Variants in ASTN2 observed in about 807,000 individuals in gnomAD.
The protein encoded by ASTN2 is astrotactin 2.
ASTN2 carries 54 observed loss-of-function variants against 139.8 expected under a neutral mutation model. The observed-to-expected ratio is 0.39, with a 90% CI of 0.31 to 0.48. The LOEUF is 0.48. Ranked by LOEUF, ASTN2 falls within the 20% of genes least tolerant of loss-of-function variation. The pLI is 0.95. For synonymous variants in ASTN2, 756 were observed against 719.5 expected (o/e 1.05, Z -0.81); for missense variants, 1,565 against 1,725.1 (o/e 0.91, Z 1.64).
intron 2 of ASTN2, among the ~76,000 whole-genome samples, chr9:117,265,393 T>C (rs1833917864): frequency 6.6e-6 from 1 of 152,142 alleles, no homozygotes; most frequent in Non-Finnish European, 1.5e-5. Context: ...AGTTAAGGAC[T>C]GTGCTTGAAG....
intron 19 of ASTN2, among the ~76,000 whole-genome samples, chr9:116,553,774 C>T (rs909375932): frequency 6.6e-6 from 1 of 152,182 alleles, no homozygotes; most frequent in Admixed American, 6.5e-5. Flanking sequence ...AGCCTCTTTT[C>T]CCTCTCTTAG....
intron 16 of ASTN2, among the ~76,000 whole-genome samples, chr9:116,714,635 C>A (rs1160074042): frequency 6.6e-6 from 1 of 152,158 alleles, no homozygotes; most frequent in Non-Finnish European, 1.5e-5. Flanking sequence ...AGTCACACAT[C>A]TAGAGAATGG....
chr9:116,669,390 C>T (rs1859056899), intron 16 of ASTN2, among the ~76,000 whole-genome samples: 2 of 152,156 alleles, frequency 1.3e-5, no homozygotes, highest in Admixed American at 1.3e-4. Flanking sequence ...AAAAAACAAA[C>T]AAACAAACAA....
At chr9:116,950,090 A>G (rs193256580) in intron 10 of ASTN2, among the ~76,000 whole-genome samples, 8 of 152,304 alleles carry the variant, frequency 5.3e-5, no homozygotes, top group Admixed American at 5.2e-4. Context: ...TGAAAGAGAT[A>G]GCTCTAGAAG....
intron 5 of ASTN2, among the ~76,000 whole-genome samples, chr9:117,075,746 A>C (rs1828264713): frequency 6.6e-6 from 1 of 152,190 alleles, no homozygotes; most frequent in South Asian, 2.1e-4. Context: ...AAAAGCTTTC[A>C]GGCTTTGGAG....
chr9:117,006,976 G>A (rs1006745646), intron 7 of ASTN2, among the ~76,000 whole-genome samples: 24 of 152,238 alleles, frequency 1.6e-4, no homozygotes, highest in Middle Eastern at 3.4e-3. Context: ...AATTAGCGAC[G>A]TGTGGTGATG....
chr9:116,900,308 T>A (rs1833975356), intron 10 of ASTN2, among the ~76,000 whole-genome samples: 1 of 152,138 alleles, frequency 6.6e-6, no homozygotes, highest in Admixed American at 6.5e-5. Context: ...AGCCTCCATA[T>A]TCCCATTTTA....
At chr9:116,697,987 T>G (rs1451261465) in intron 16 of ASTN2, 1 of 1,614,084 alleles carries the variant, frequency 6.2e-7, no homozygotes, top group Non-Finnish European at 8.5e-7. Flanking sequence ...AATCTGACAG[T>G]GCTAAAGATC....
chr9:116,786,650 T>C (rs950754208), intron 13 of ASTN2, among the ~76,000 whole-genome samples: 1 of 152,066 alleles, frequency 6.6e-6, no homozygotes, highest in Non-Finnish European at 1.5e-5. Context: ...GAGAAAGGAG[T>C]GACATTCCTC....
Position 116,996,395 on chromosome 9 carries a change from C to T in ASTN2, c.1591+11697G>A, listed in dbSNP as rs184894437. Among the ~76,000 whole-genome samples the T allele has an allele frequency of 7.9e-5, 12 of 152,122 alleles. No homozygotes were observed. In the East Asian group the frequency reaches 1.9e-3, roughly 24 times the overall value. On this transcript the variant is annotated intron_variant, in intron 7 of 22. Transcript: ENST00000313400. ...TTAAATGAGATAATATATGTGAAGG[C>T]TTTGAAGAGTGGCTGACAGTTATCA...
intron 2 of ASTN2, among the ~76,000 whole-genome samples, chr9:117,224,418 G>T (rs1297273428): frequency 6.6e-6 from 1 of 152,088 alleles, no homozygotes; most frequent in Admixed American, 6.5e-5. Flanking sequence ...ATACAAAGTA[G>T]TGGTGAAACC....
chr9:116,557,700 T>G (rs1171473037), intron 19 of ASTN2: 1 of 152,214 alleles, frequency 6.6e-6, no homozygotes, highest in Admixed American at 6.5e-5. Context: ...TCAAAAAAAC[T>G]CTTTTGACAT....
rs565698801 is a variant in ASTN2 at position 116,896,775 on chromosome 9, A to G, written c.1890-33042T>C. On this transcript the variant is annotated intron_variant, in intron 10 of 22. Transcript: ENST00000313400. ...GAGGGCAGGGAAAACTGCCATTTAT[A>G]AGACCATTAGATCTCATGAGAACTC... Among the ~76,000 whole-genome samples the G allele has an allele frequency of 2.6e-4, 39 of 152,324 alleles. 1 individual carries two copies. The South Asian group carries it at 7.5e-3, about 29-fold the overall frequency.
intron 10 of ASTN2, among the ~76,000 whole-genome samples, chr9:116,955,269 C>T (rs1023755419): frequency 6.6e-6 from 1 of 152,134 alleles, no homozygotes; most frequent in African/African-American, 2.4e-5. Context: ...TTGGCTCAGT[C>T]CTTGGTTCAT....
chr9:117,349,709 T>C (rs1404070347), intron 1 of ASTN2, among the ~76,000 whole-genome samples: 1 of 152,150 alleles, frequency 6.6e-6, no homozygotes, highest in African/African-American at 2.4e-5. Context: ...AATAATTGTC[T>C]TGCAGTGGAA....
At chr9:117,008,033 T>C (rs369189497) in intron 7 of ASTN2, 59 bp downstream of exon 7, 3 of 1,473,834 alleles carry the variant, frequency 2.0e-6, no homozygotes, top group Non-Finnish European at 2.7e-6. Flanking sequence ...GGGAGCACAA[T>C]GCCTCTTTCA....
intron 13 of ASTN2, among the ~76,000 whole-genome samples, chr9:116,788,790 G>T (rs374756810): frequency 6.6e-6 from 1 of 151,940 alleles, no homozygotes; most frequent in African/African-American, 2.4e-5. Context: ...ATGACAAGGG[G>T]TGACAGTAAA....
At chr9:116,717,683 GGTC>G (rs1828351816) in intron 16 of ASTN2, among the ~76,000 whole-genome samples, 1 of 152,110 alleles carries the variant, frequency 6.6e-6, no homozygotes, top group Non-Finnish European at 1.5e-5. Flanking sequence ...ACTGCCCTGG[GGTC>G]AAGCAGCTAG....
rs201965704 is a variant in ASTN2, at chr9:116,760,316, C to T, written c.2397-26793G>A. On this transcript the variant is annotated intron_variant, in intron 13 of 22. Coordinates refer to ENST00000313400, the MANE Select transcript of ASTN2 (RefSeq NM_001365068.1). ...ATTTTTTGAACAGAGAAGTATGGGG[C>T]AGCATTTGTGGCACCAACACTTGGT... Among the ~76,000 whole-genome samples, 6 of 152,270 alleles carry T rather than the reference C, an allele frequency of 3.9e-5. No individual in the cohort carries two copies. In the East Asian group the frequency reaches 1.2e-3, roughly 29 times the overall value.
Sources: gnomAD v4.1 joint callset for allele counts (sites outside exome capture counted in the v4.1 genomes callset) on GRCh38, gnomAD v4.1.1 for gene constraint, MANE v1.5 for transcripts, NCBI Gene and HGNC (gene_info 2026-07-23, HGNC 2026-07-21) for gene names.